Variants in FOXO3 observed in about 807,000 individuals in gnomAD.
The protein encoded by FOXO3 is forkhead box protein O3.
FOXO3 carries 4 observed loss-of-function variants against 41.9 expected under a neutral mutation model. The observed-to-expected ratio is 0.10, with a 90% CI of 0.05 to 0.22. The LOEUF (loss-of-function observed/expected upper bound fraction) is 0.22, where lower values mean the gene tolerates loss of function less well. Among genes scored for constraint, FOXO3 ranks in the 10% least tolerant of loss-of-function variants. The pLI, the probability that FOXO3 is intolerant of heterozygous loss-of-function variation, is 1.00. For missense variants in FOXO3, 534 were observed against 906.8 expected, an observed-to-expected ratio of 0.59 and a Z score of 5.28; for synonymous variants, 318 against 389.3, an observed-to-expected ratio of 0.82 and a Z score of 2.16.
At chr6:108,566,982 C>T (rs148540001) in intron 1 of FOXO3, among the ~76,000 whole-genome samples, 12 of 152,332 alleles carry the variant, frequency 7.9e-5, no homozygotes, top group Admixed American at 2.6e-4. Flanking sequence ...ATGCTGCTTG[C>T]AGAGCATTTG....
At chr6:108,632,974 AT>A (rs1016096988) in intron 1 of FOXO3, among the ~76,000 whole-genome samples, 17 of 150,904 alleles carry the variant, frequency 1.1e-4, no homozygotes, top group East Asian at 3.9e-4. Flanking sequence ...CCACTTGTAA[AT>A]TTTTTTTTTC....
chr6:108,674,711 C>T (rs1770514035), intron 2 of FOXO3, among the ~76,000 whole-genome samples: 1 of 152,100 alleles, frequency 6.6e-6, no homozygotes, highest in Non-Finnish European at 1.5e-5. Context: ...ATCGGACAAG[C>T]GGAGGGTTTG....
intron 1 of FOXO3, among the ~76,000 whole-genome samples, chr6:108,567,277 A>G (rs953193813): frequency 6.6e-6 from 1 of 152,022 alleles, no homozygotes. Flanking sequence ...CTTGCTTTGG[A>G]GATGCAAAAC....
At chr6:108,625,239 C>A (rs1024143268) in intron 1 of FOXO3, among the ~76,000 whole-genome samples, 11 of 152,098 alleles carry the variant, frequency 7.2e-5, no homozygotes, top group Admixed American at 2.6e-4. Context: ...ATGTTTTTAT[C>A]TTAATAATTG....
intron 1 of FOXO3, among the ~76,000 whole-genome samples, chr6:108,562,462 C>G (rs539345007): frequency 1.3e-5 from 2 of 152,106 alleles, no homozygotes; most frequent in African/African-American, 4.8e-5. Flanking sequence ...GGAGATGTCG[C>G]TCCAGTAAAC....
intron 1 of FOXO3, among the ~76,000 whole-genome samples, chr6:108,649,231 CAGGAACCTTGAGCTT>C (rs1778480512): frequency 6.6e-6 from 1 of 152,028 alleles, no homozygotes; most frequent in South Asian, 2.1e-4. Context: ...GTGGGTTGTG[CAGGAACCTTGAGCTT>C]AGGGATCTTA....
At chr6:108,672,290 T>C (rs1402654388) in intron 2 of FOXO3, among the ~76,000 whole-genome samples, 1 of 152,226 alleles carries the variant, frequency 6.6e-6, no homozygotes, top group Non-Finnish European at 1.5e-5. Context: ...TATCGCTTAT[T>C]AGTTACTGTG....
intron 1 of FOXO3, among the ~76,000 whole-genome samples, chr6:108,574,602 C>T (rs928981338): frequency 7.2e-5 from 11 of 152,214 alleles, no homozygotes; most frequent in East Asian, 1.9e-4. Context: ...CAGTTACTGA[C>T]GGGTTTAAGA....
At chr6:108,658,268 G>A (rs886535826) in intron 1 of FOXO3, among the ~76,000 whole-genome samples, 4 of 152,130 alleles carry the variant, frequency 2.6e-5, no homozygotes, top group African/African-American at 9.7e-5. Flanking sequence ...TTTGTCAATG[G>A]AAGGCTGGCC....
At position 108,612,653 on chromosome 6, in the gene FOXO3, C is replaced by T. The variant is rs184402979; in HGVS notation, c.622-50802C>T. Among the ~76,000 whole-genome samples, 820 of 151,718 alleles carry T rather than the reference C, an allele frequency of 5.4e-3. 2 individuals are homozygous for T. The highest frequency in any genetic ancestry group is 0.014 in the Middle Eastern group (4 of 294). ...CAAGATTGTGCCATTGCACTCCAGC[C>T]TGGGTGACAATAGCGAAACTCTGTC... On this transcript the variant is annotated intron_variant, in intron 1 of 2. Transcript: ENST00000406360.
chr6:108,660,693 A>G (rs545692334), intron 1 of FOXO3, among the ~76,000 whole-genome samples: 1 of 152,010 alleles, frequency 6.6e-6, no homozygotes, highest in South Asian at 2.1e-4. Flanking sequence ...CAACATAGTG[A>G]AACCCTGTCT....
chr6:108,618,702 A>G (rs1582784664), intron 1 of FOXO3, among the ~76,000 whole-genome samples: 1 of 152,330 alleles, frequency 6.6e-6, no homozygotes, highest in South Asian at 2.1e-4. Context: ...TGTGAACTGT[A>G]GGACTTCTTA....
chr6:108,638,163 A>G (rs1183776416), intron 1 of FOXO3, among the ~76,000 whole-genome samples: 1 of 152,156 alleles, frequency 6.6e-6, no homozygotes. Context: ...GATGAATGGG[A>G]CAGGAGAGTA....
chr6:108,647,060 C>T (rs765073355), intron 1 of FOXO3, among the ~76,000 whole-genome samples: 6 of 152,172 alleles, frequency 3.9e-5, no homozygotes, highest in Admixed American at 1.3e-4. Flanking sequence ...AGAAAAACCA[C>T]GGGAGTTTTA....
chr6:108,642,321 G>T (rs990876655), intron 1 of FOXO3, among the ~76,000 whole-genome samples: 1 of 151,702 alleles, frequency 6.6e-6, no homozygotes, highest in African/African-American at 2.4e-5. Context: ...AAACTCCTGG[G>T]CTCAAGTGAT....
At position 108,587,315 on chromosome 6, in the gene FOXO3, G is replaced by T. The variant is rs2802292; in HGVS notation, c.621+25486G>T. Among the ~76,000 whole-genome samples, 76,313 of 151,818 alleles carry T rather than the reference G, an allele frequency of 0.5. 21,333 individuals carry two copies. Among genetic ancestry groups the T allele is most frequent in the East Asian group, 0.68 (3,515 of 5,146 alleles). Reference sequence around the variant, plus strand: ...TGCTCACAAGAGCTCAGGGCTGGGAGAAGCCTCTGTGTGACAGATGAAGGG... The same window carrying T: ...TGCTCACAAGAGCTCAGGGCTGGGATAAGCCTCTGTGTGACAGATGAAGGG... On this transcript the variant is annotated intron_variant, in intron 1 of 2. Coordinates refer to ENST00000406360, the MANE Select transcript of FOXO3 (RefSeq NM_001455.4).
chr6:108,676,578 A>G (rs538317468), intron 2 of FOXO3, among the ~76,000 whole-genome samples: 2 of 152,314 alleles, frequency 1.3e-5, no homozygotes, highest in Non-Finnish European at 2.9e-5. Context: ...AAGAGCATCG[A>G]CACATACACA....
At chr6:108,644,148 TCA>T (rs1778334727) in intron 1 of FOXO3, among the ~76,000 whole-genome samples, 1 of 152,102 alleles carries the variant, frequency 6.6e-6, no homozygotes, top group African/African-American at 2.4e-5. Flanking sequence ...ACTGCGGCCC[TCA>T]CTGCATCATG....
At chr6:108,561,940 CA>C in intron 1 of FOXO3, 111 bp downstream of exon 1, 1 of 1,412,246 alleles carries the variant, frequency 7.1e-7, no homozygotes, top group Non-Finnish European at 9.2e-7. Context: ...AAGGGGTTGG[CA>C]GGGGGAGCCT....
Sources: allele counts gnomAD v4.1 joint callset (sites outside exome capture counted in the v4.1 genomes callset), GRCh38; gene constraint gnomAD v4.1.1; transcripts MANE v1.5; gene names NCBI Gene and HGNC (gene_info 2026-07-23, HGNC 2026-07-21).